NEBL: variants seen among roughly 807,000 people sequenced by gnomAD.
NEBL encodes LIM and SH3 protein 2.
In NEBL, 122 loss-of-function variants were observed where a neutral mutation model predicts 140.2. That is an observed-to-expected ratio of 0.87 (90% confidence interval 0.75 to 1.01). The LOEUF is 1.01. Ranked by LOEUF, NEBL falls within the 50% of genes least tolerant of loss-of-function variation. The pLI, the probability that NEBL is intolerant of heterozygous loss-of-function variation, is 0.00. For synonymous variants in NEBL, 436 were observed against 398.9 expected (o/e 1.09, Z -1.11); for missense variants, 1,365 against 1,231.3 (o/e 1.11, Z -1.62).
At chr10:21,202,011 T>C (rs1841745918) in intron 3 of NEBL, among the ~76,000 whole-genome samples, 1 of 152,228 alleles carries the variant, frequency 6.6e-6, no homozygotes, top group Non-Finnish European at 1.5e-5. Flanking sequence ...TTGGGTATTT[T>C]GCACTGTAGT....
intron 4 of NEBL, among the ~76,000 whole-genome samples, chr10:20,882,535 T>G (rs145049147): frequency 2.0e-4 from 30 of 152,280 alleles, no homozygotes; most frequent in African/African-American, 7.2e-4. Context: ...GTGCCTAACA[T>G]AGTGAATGAC....
At chr10:21,274,790 G>C (rs1396752560) in intron 1 of NEBL, among the ~76,000 whole-genome samples, 1 of 151,054 alleles carries the variant, frequency 6.6e-6, no homozygotes, top group Non-Finnish European at 1.5e-5. Flanking sequence ...AGAATCATAA[G>C]GAAAAAATAT....
intron 3 of NEBL, among the ~76,000 whole-genome samples, chr10:21,238,008 T>C (rs1842383104): frequency 6.6e-6 from 1 of 152,228 alleles, no homozygotes; most frequent in South Asian, 2.1e-4. Context: ...CTAAGTGTCT[T>C]CATCCCTACA....
rs369106583 is a variant in NEBL, at chr10:20,873,566, A to G, written c.481-3725T>C. On this transcript the variant is annotated intron_variant, in intron 5 of 27. Coordinates refer to ENST00000377122, the MANE Select transcript of NEBL (RefSeq NM_006393.3). ...AGGAGGAGGGGAGAAAAAGAAAATA[A>G]TAATAATGATAGTCTCAATTTTAGA... Among the ~76,000 whole-genome samples, 32 of 152,234 alleles carry G rather than the reference A, an allele frequency of 2.1e-4. No homozygotes were observed. In the East Asian group the frequency reaches 6.2e-3, roughly 29 times the overall value.
At chr10:21,154,842 G>T (rs1002415661) in intron 2 of NEBL, among the ~76,000 whole-genome samples, 9 of 152,190 alleles carry the variant, frequency 5.9e-5, no homozygotes, top group African/African-American at 2.2e-4. Flanking sequence ...CTTTGTGGGT[G>T]TATAGTAGGT....
chr10:21,080,127 G>C (rs987088157), intron 2 of NEBL, among the ~76,000 whole-genome samples: 1 of 152,210 alleles, frequency 6.6e-6, no homozygotes, highest in Non-Finnish European at 1.5e-5. Flanking sequence ...CTGTGATTTT[G>C]TAATAAGCAC....
chr10:20,979,633 T>C (rs558363340), intron 3 of NEBL, among the ~76,000 whole-genome samples: 3 of 152,292 alleles, frequency 2.0e-5, no homozygotes, highest in Admixed American at 6.5e-5. Context: ...ATTGACTGAA[T>C]AAAGGTAAAT....
intron 1 of NEBL, among the ~76,000 whole-genome samples, chr10:21,267,124 G>A (rs1009884135): frequency 1.2e-4 from 19 of 152,018 alleles, no homozygotes; most frequent in African/African-American, 4.3e-4. Flanking sequence ...ACAGGTGCTC[G>A]CCACCATGCC....
chr10:20,904,193 A>G (rs1847994412), intron 4 of NEBL, among the ~76,000 whole-genome samples: 1 of 152,200 alleles, frequency 6.6e-6, no homozygotes, highest in African/African-American at 2.4e-5. Context: ...AAAACCATAG[A>G]TAAGGGAGCA....
chr10:20,897,288 C>T lies in NEBL; in HGVS notation c.-83G>A, dbSNP rs370206734. 1.1e-5 allele frequency: 17 copies of T among 1,514,636 alleles called. No homozygotes were observed. Among genetic ancestry groups the T allele is most frequent in the South Asian group, 1.0e-4 (8 of 77,914 alleles). The allele number at this position is 1,514,636 out of a possible 1,614,324, so 93.8% of individuals were successfully genotyped here. On this transcript the variant is annotated 5_prime_UTR_variant, in exon 1 of 28. Transcript: ENST00000377122. ...TACCACAGTGCCCTTGAGATGCTGA[C>T]GTCTCTGGTGCTCTGGCAGAAATGC...
upstream of NEBL, among the ~76,000 whole-genome samples, chr10:20,900,705 T>C (rs1454293087): frequency 1.3e-5 from 2 of 149,432 alleles, no homozygotes; most frequent in African/African-American, 2.5e-5. Context: ...GTGATGGCAG[T>C]AGATGGGATT....
chr10:20,807,991 A>G (rs1241956126), intron 26 of NEBL, among the ~76,000 whole-genome samples: 1 of 151,926 alleles, frequency 6.6e-6, no homozygotes, highest in African/African-American at 2.4e-5. Context: ...TAAAAAAAAA[A>G]AAAAACCCTC....
At chr10:20,818,707 T>C in intron 20 of NEBL, 2 of 811,976 alleles carry the variant, frequency 2.5e-6, no homozygotes, top group Non-Finnish European at 3.0e-6. Flanking sequence ...GTCTTACCCA[T>C]CTTTGTGTCT....
chr10:21,245,814 G>T (rs921212309), intron 3 of NEBL, among the ~76,000 whole-genome samples: 3 of 152,188 alleles, frequency 2.0e-5, no homozygotes, highest in Non-Finnish European at 4.4e-5. Context: ...TCCTGCCTCA[G>T]CCTCCCAAGT....
chr10:20,883,443 T>G (rs570954906), intron 4 of NEBL, among the ~76,000 whole-genome samples: 1 of 152,298 alleles, frequency 6.6e-6, no homozygotes, highest in East Asian at 1.9e-4. Context: ...CAATTAATTA[T>G]GTTAAGCAGG....
intron 3 of NEBL, among the ~76,000 whole-genome samples, chr10:20,986,468 T>G (rs563911848): frequency 5.9e-5 from 9 of 152,360 alleles, no homozygotes; most frequent in Admixed American, 5.9e-4. Context: ...CTATTAGTGT[T>G]ACAATCAACC....
chr10:21,087,283 C>T (rs1301928854), intron 2 of NEBL, among the ~76,000 whole-genome samples: 2 of 152,164 alleles, frequency 1.3e-5, no homozygotes, highest in East Asian at 1.9e-4. Flanking sequence ...AAACCAAGTT[C>T]ATGATCTCGT....
rs532951670 is a variant in NEBL at position 21,082,908 on chromosome 10, G to A, written c.165-62707C>T. 9.9e-4 allele frequency among the ~76,000 whole-genome samples: 151 copies of A among 151,970 alleles called. 1 individual carries two copies. In the Middle Eastern group the frequency reaches 0.01, roughly 10 times the overall value. ...CTCCCAAATAGCTGGGATTACAGGC[G>A]CCTGCCACCACACCTGGCTAATTTT... On this transcript the variant is annotated intron_variant, in intron 2 of 6. Transcript: ENST00000417816.
intron 2 of NEBL, among the ~76,000 whole-genome samples, chr10:21,055,981 T>A (rs1330012634): frequency 6.6e-6 from 1 of 152,212 alleles, no homozygotes; most frequent in African/African-American, 2.4e-5. Flanking sequence ...GCTTTAGTTG[T>A]CTCTGGGAGG....
Sources: allele counts gnomAD v4.1 joint callset (sites outside exome capture counted in the v4.1 genomes callset), GRCh38; gene constraint gnomAD v4.1.1; transcripts MANE v1.5; gene names NCBI Gene and HGNC (gene_info 2026-07-23, HGNC 2026-07-21).